TTC27: variants seen among roughly 807,000 people sequenced by gnomAD.
TTC27 encodes tetratricopeptide repeat domain 27, also known as tetratricopeptide repeat protein 27.
TTC27 carries 79 observed loss-of-function variants against 115.9 expected under a neutral mutation model. The ratio of observed to expected loss-of-function variants is 0.68; its 90% CI spans 0.57 to 0.82. The LOEUF is 0.82. Ranked by LOEUF, TTC27 falls within the 40% of genes least tolerant of loss-of-function variation. The pLI, the probability that TTC27 is intolerant of heterozygous loss-of-function variation, is 0.00. For synonymous variants in TTC27, 401 were observed against 356.0 expected, an observed-to-expected ratio of 1.13 and a Z score of -1.42; for missense variants, 1,054 against 993.1, an observed-to-expected ratio of 1.06 and a Z score of -0.82.
At chr2:32,765,658 A>G (rs1456953842) in intron 13 of TTC27, among the ~76,000 whole-genome samples, 1 of 152,182 alleles carries the variant, frequency 6.6e-6, no homozygotes, top group Non-Finnish European at 1.5e-5. Flanking sequence ...TTCTAAAAGA[A>G]GGTTGTTTTG....
intron 8 of TTC27, among the ~76,000 whole-genome samples, chr2:32,678,331 T>C (rs1666290849): frequency 6.6e-6 from 1 of 152,132 alleles, no homozygotes; most frequent in Non-Finnish European, 1.5e-5. Context: ...GCATTTTATT[T>C]TTATACCTTT....
At chr2:32,739,039 G>C (rs1668539838) in intron 12 of TTC27, among the ~76,000 whole-genome samples, 1 of 152,186 alleles carries the variant, frequency 6.6e-6, no homozygotes, top group Admixed American at 6.5e-5. Flanking sequence ...TCTTACAACT[G>C]ATAGCATCTC....
chr2:32,744,076 T>C (rs1572569404), intron 12 of TTC27, among the ~76,000 whole-genome samples: 1 of 152,222 alleles, frequency 6.6e-6, no homozygotes, highest in Non-Finnish European at 1.5e-5. Context: ...AACACAGTTA[T>C]AGTCCGATAT....
intron 13 of TTC27, among the ~76,000 whole-genome samples, chr2:32,759,507 C>A (rs1233935473): frequency 3.9e-5 from 6 of 152,050 alleles, no homozygotes; most frequent in Non-Finnish European, 7.4e-5. Flanking sequence ...TCTATAATCC[C>A]AGCACTTTGG....
At chr2:32,782,945 A>G (rs781464441) in intron 15 of TTC27, among the ~76,000 whole-genome samples, 51 of 152,212 alleles carry the variant, frequency 3.4e-4, no homozygotes, top group Non-Finnish European at 2.4e-4. Flanking sequence ...TTTACATTCT[A>G]CATTTTATTA....
intron 15 of TTC27, among the ~76,000 whole-genome samples, chr2:32,785,001 A>G (rs1670300422): frequency 1.3e-5 from 2 of 152,232 alleles, no homozygotes; most frequent in African/African-American, 2.4e-5. Context: ...GCAAGAAGGA[A>G]TCCCTGAGAT....
intron 10 of TTC27, 139 bp downstream of exon 10, chr2:32,703,059 C>G: frequency 1.5e-6 from 1 of 660,232 alleles, no homozygotes; most frequent in Non-Finnish European, 2.6e-6. Context: ...AGAATAAGTT[C>G]TATAATTTAA....
chr2:32,786,866 GT>G (rs1670364564), intron 15 of TTC27, 117 bp from the exon 16 acceptor site: 1 of 917,120 alleles, frequency 1.1e-6, no homozygotes, highest in Non-Finnish European at 1.6e-6. Context: ...AATTCTGTTT[GT>G]TTATATGAAC....
In TTC27 at chr2:32,639,265, A is replaced by G. The variant is rs1432243708; in HGVS notation, c.397-1005A>G. Among the ~76,000 whole-genome samples the G allele has an allele frequency of 9.8e-5, 15 of 152,354 alleles. No homozygotes were observed. In the South Asian group the frequency reaches 2.9e-3, roughly 29 times the overall value. ...TCCTGTGCATGTGACATTGGAACCC[A>G]TGTTCCTGATGGGTGAAGATTCTTG... On this transcript the variant is annotated intron_variant, in intron 3 of 19. Coordinates refer to ENST00000317907, the MANE Select transcript of TTC27 (RefSeq NM_017735.5).
At chr2:32,682,497 A>C (rs1666465762) in intron 9 of TTC27, among the ~76,000 whole-genome samples, 1 of 152,090 alleles carries the variant, frequency 6.6e-6, no homozygotes, top group Non-Finnish European at 1.5e-5. Context: ...GGAATTGGCC[A>C]TAGATGTGGA....
At chr2:32,722,604 A>C (rs140250131) in intron 10 of TTC27, among the ~76,000 whole-genome samples, 1 of 152,230 alleles carries the variant, frequency 6.6e-6, no homozygotes, top group Non-Finnish European at 1.5e-5. Context: ...TTAGAAGTCC[A>C]TGCTTTTATC....
At chr2:32,783,720 G>A (rs1670257538) in intron 15 of TTC27, among the ~76,000 whole-genome samples, 1 of 152,170 alleles carries the variant, frequency 6.6e-6, no homozygotes, top group Admixed American at 6.5e-5. Flanking sequence ...AAAAAGAAGG[G>A]GCAGATGCCA....
At chr2:32,636,725 G>A (rs374274531) in intron 3 of TTC27, among the ~76,000 whole-genome samples, 4 of 152,324 alleles carry the variant, frequency 2.6e-5, no homozygotes, top group African/African-American at 9.6e-5. Flanking sequence ...ATATGGAAAT[G>A]AGTTTCATGA....
At chr2:32,646,894 A>G (rs1449234500) in intron 4 of TTC27, among the ~76,000 whole-genome samples, 1 of 150,782 alleles carries the variant, frequency 6.6e-6, no homozygotes. Flanking sequence ...CCTCCCCCAT[A>G]TAAAGATTTT....
Position 32,666,766 on chromosome 2 carries a change from A to G in TTC27, c.937A>G (p.Lys313Glu), listed in dbSNP as rs139132153. The change falls in exon 7 of 20, where the codon AAG (lysine) becomes GAG (glutamate). Residue 313 changes from lysine to glutamate, a missense_variant and splice_region_variant. Coordinates refer to ENST00000317907, the MANE Select transcript of TTC27 (RefSeq NM_017735.5). Reference protein sequence around the residue: ...PAPTPQEHLTKNLELNDDTIL... With the variant: ...PAPTPQEHLTENLELNDDTIL... ...ACCCACTCCTCAGGAACATTTAACC[A>G]AGGCAAGTAGGACATTAAGTTATTA... The G allele has an allele frequency of 3.7e-4, 597 of 1,611,930 alleles. No individual in the cohort carries two copies. The highest frequency in any genetic ancestry group is 4.6e-4 in the Non-Finnish European group (541 of 1,178,998).
At chr2:32,686,706 AT>A (rs1666642416) in intron 9 of TTC27, among the ~76,000 whole-genome samples, 2 of 152,084 alleles carry the variant, frequency 1.3e-5, no homozygotes, top group African/African-American at 4.8e-5. Flanking sequence ...GCAGAAAAAA[AT>A]TATCAACTGT....
At chr2:32,664,170 A>G (rs1389759165) in intron 5 of TTC27, 133 bp from the exon 6 acceptor site, 5 of 713,506 alleles carry the variant, frequency 7.0e-6, no homozygotes, top group Middle Eastern at 8.6e-4. Context: ...TGTATTCCTC[A>G]GGTCTTATGT....
At chr2:32,683,494 C>T (rs1370260809) in intron 9 of TTC27, among the ~76,000 whole-genome samples, 2 of 152,108 alleles carry the variant, frequency 1.3e-5, no homozygotes, top group African/African-American at 4.8e-5. Flanking sequence ...CCAGTGTTTT[C>T]ATTTTGGTGC....
intron 17 of TTC27, among the ~76,000 whole-genome samples, chr2:32,812,136 T>C (rs542599052): frequency 3.9e-5 from 6 of 152,366 alleles, no homozygotes; most frequent in Non-Finnish European, 7.3e-5. Flanking sequence ...TGAGATTACA[T>C]ATATCTACCA....
Sources: allele counts gnomAD v4.1 joint callset (sites outside exome capture counted in the v4.1 genomes callset), GRCh38; gene constraint gnomAD v4.1.1; transcripts MANE v1.5; gene names NCBI Gene and HGNC (gene_info 2026-07-23, HGNC 2026-07-21).